SHISA6: variants seen among roughly 807,000 people sequenced by gnomAD.
SHISA6 encodes the protein protein shisa-6.
SHISA6 carries 22 observed loss-of-function variants against 47.9 expected under a neutral mutation model. The ratio of observed to expected loss-of-function variants is 0.46; its 90% CI spans 0.33 to 0.66. The LOEUF (loss-of-function observed/expected upper bound fraction) is 0.66, where lower values mean the gene tolerates loss of function less well. Ranked by LOEUF, SHISA6 falls within the 30% of genes least tolerant of loss-of-function variation. SHISA6 has a pLI of 0.02. For synonymous variants in SHISA6, 388 were observed against 337.8 expected, an observed-to-expected ratio of 1.15 and a Z score of -1.63; for missense variants, 680 against 764.6, an observed-to-expected ratio of 0.89 and a Z score of 1.30.
intron 3 of SHISA6, among the ~76,000 whole-genome samples, chr17:11,386,300 G>T (rs1041788726): frequency 6.6e-6 from 1 of 152,078 alleles, no homozygotes; most frequent in Non-Finnish European, 1.5e-5. Flanking sequence ...ACTTGAACTC[G>T]GGAGGTGGAA....
chr17:11,491,749 T>G (rs1467434681), intron 3 of SHISA6, among the ~76,000 whole-genome samples: 2 of 148,556 alleles, frequency 1.3e-5, no homozygotes, highest in Non-Finnish European at 3.0e-5. Flanking sequence ...TGTTGTGTAC[T>G]GAAAGGGAAG....
At chr17:11,279,679 G>A (rs554936789) in intron 2 of SHISA6, among the ~76,000 whole-genome samples, 7 of 152,168 alleles carry the variant, frequency 4.6e-5, no homozygotes, top group African/African-American at 1.7e-4. Context: ...TGCCTGCAGT[G>A]GTTACAAGAG....
At chr17:11,280,600 G>A (rs183783514) in intron 2 of SHISA6, among the ~76,000 whole-genome samples, 44 of 152,200 alleles carry the variant, frequency 2.9e-4, no homozygotes, top group Non-Finnish European at 1.2e-4. Context: ...AGTGCCAGAG[G>A]TTCAAATGTT....
chr17:11,497,975 A>C (rs952663911), intron 3 of SHISA6, among the ~76,000 whole-genome samples: 6 of 152,122 alleles, frequency 3.9e-5, no homozygotes, highest in Non-Finnish European at 8.8e-5. Flanking sequence ...CTTTCTTTAT[A>C]TATTCATCCC....
At chr17:11,471,705 G>A (rs1019354173) in intron 3 of SHISA6, among the ~76,000 whole-genome samples, 2 of 152,166 alleles carry the variant, frequency 1.3e-5, no homozygotes, top group Non-Finnish European at 2.9e-5. Context: ...ACTAGGGACC[G>A]TGGAGTCTAC....
At chr17:11,285,231 T>C (rs1909253902) in intron 2 of SHISA6, among the ~76,000 whole-genome samples, 1 of 152,196 alleles carries the variant, frequency 6.6e-6, no homozygotes, top group African/African-American at 2.4e-5. Flanking sequence ...TTGTTAGAAG[T>C]CTGAGTTGGG....
At chr17:11,434,058 T>A (rs1005138730) in intron 3 of SHISA6, among the ~76,000 whole-genome samples, 1 of 151,278 alleles carries the variant, frequency 6.6e-6, no homozygotes, top group Non-Finnish European at 1.5e-5. Flanking sequence ...TTTTTCTTTT[T>A]TCTCTCTTTT....
chr17:11,557,636 G>A (rs1420060971), intron 5 of SHISA6, 118 bp from the exon 6 acceptor site: 1 of 1,002,420 alleles, frequency 1.0e-6, no homozygotes, highest in Non-Finnish European at 1.4e-6. Flanking sequence ...GAGTTTGACT[G>A]TATTATCCCT....
At chr17:11,242,693 C>G (rs1262277236) in intron 1 of SHISA6, among the ~76,000 whole-genome samples, 1 of 152,172 alleles carries the variant, frequency 6.6e-6, no homozygotes, top group Non-Finnish European at 1.5e-5. Flanking sequence ...CTTTGAAACC[C>G]TGTAGGCAGA....
chr17:11,557,770 C>G lies in SHISA6; in HGVS notation c.1122C>G (p.Asp374Glu), dbSNP rs774764965. 4 of 1,545,956 alleles carry G rather than the reference C, an allele frequency of 2.6e-6. No individual in the cohort carries two copies. The Admixed American group carries it at 5.9e-5, about 23-fold the overall frequency. ...CCCCTGCAGCCGACAAGGAGGCTGACGAGTATTACATGAGACGGCGGCACC... is the reference window on the plus strand; with the variant it reads ...CCCCTGCAGCCGACAAGGAGGCTGAGGAGTATTACATGAGACGGCGGCACC... Reference protein sequence around the residue: ...SLKRLTDKEADEYYMRRRHLP... With the variant: ...SLKRLTDKEAEEYYMRRRHLP... The change falls in exon 6 of 6, where the codon GAC (aspartate) becomes GAG (glutamate). Residue 374 changes from aspartate to glutamate, a missense_variant. This residue lies in a region of SHISA6 where 559 missense variants were observed against 674.1 expected (regional missense o/e 0.83). Transcript: ENST00000441885.
At chr17:11,289,510 A>G (rs552953148) in intron 2 of SHISA6, 3 of 151,482 alleles carry the variant, frequency 2.0e-5, no homozygotes, top group African/African-American at 7.3e-5. Flanking sequence ...GTTCCAAGAA[A>G]TTTTGAAGGA....
chr17:11,323,093 C>T lies in SHISA6; in HGVS notation c.800-56321C>T, dbSNP rs188582278. ...CCACAGGACCAAATGTTTCACAAGT[C>T]CTTCAGCAAGCAAGTTCACAAAAGA... On this transcript the variant is annotated intron_variant, in intron 2 of 5. Coordinates refer to ENST00000441885, the MANE Select transcript of SHISA6 (RefSeq NM_207386.4). Among the ~76,000 whole-genome samples, 7 of 152,296 alleles carry T rather than the reference C, an allele frequency of 4.6e-5. No homozygotes were observed. In the East Asian group the frequency reaches 1.4e-3, roughly 29 times the overall value.
intron 3 of SHISA6, among the ~76,000 whole-genome samples, chr17:11,511,862 C>A (rs754582256): frequency 6.4e-4 from 98 of 152,358 alleles, no homozygotes; most frequent in Admixed American, 1.4e-3. Flanking sequence ...TGACACATGG[C>A]TGCTAACAGC....
At chr17:11,363,517 C>T (rs16944645) in intron 2 of SHISA6, among the ~76,000 whole-genome samples, 5,895 of 152,234 alleles carry the variant, frequency 0.039, 142 homozygotes, top group East Asian at 0.09. Flanking sequence ...TCAGTTCTGG[C>T]GGTCTCTGGA....
chr17:11,496,957 T>A (rs1042653105), intron 3 of SHISA6, among the ~76,000 whole-genome samples: 3 of 152,206 alleles, frequency 2.0e-5, no homozygotes, highest in Admixed American at 1.3e-4. Context: ...TCACACAGAT[T>A]TTCCCAAGTT....
intron 2 of SHISA6, among the ~76,000 whole-genome samples, chr17:11,278,833 G>A (rs1016251652): frequency 2.0e-5 from 3 of 152,162 alleles, no homozygotes; most frequent in Non-Finnish European, 2.9e-5. Context: ...TACACGTGGC[G>A]TTTCTTTCCC....
At chr17:11,481,362 G>GTATA (rs1481491401) in intron 3 of SHISA6, among the ~76,000 whole-genome samples, 12 of 114,572 alleles carry the variant, frequency 1.0e-4, no homozygotes, top group African/African-American at 3.8e-4. Flanking sequence ...GTGTGTGTGT[G>GTATA]TGTGTATATA....
At chr17:11,452,159 G>A (rs796728475) in intron 3 of SHISA6, among the ~76,000 whole-genome samples, 1 of 152,326 alleles carries the variant, frequency 6.6e-6, no homozygotes, top group African/African-American at 2.4e-5. Flanking sequence ...GGTGGAGATA[G>A]GGCCAGCTTG....
rs999192416 is a variant in SHISA6, at chr17:11,263,537, G to A, written c.799+11G>A. 3.0e-5 allele frequency: 46 copies of A among 1,551,440 alleles called. No homozygotes were observed. The highest frequency in any genetic ancestry group is 1.7e-4 in the Middle Eastern group (1 of 6,012). ...CCAAGCAGACTCCAGGTAAGTAACA[G>A]CTGGGCACCTTGATTCTTTGCTGAG... On this transcript the variant is annotated intron_variant, in intron 2 of 5. Coordinates refer to ENST00000441885, the MANE Select transcript of SHISA6 (RefSeq NM_207386.4).
Sources: gnomAD v4.1 joint callset for allele counts (sites outside exome capture counted in the v4.1 genomes callset) on GRCh38, gnomAD v4.1.1 for gene constraint, gnomAD v4.1.1 regional missense constraint, MANE v1.5 for transcripts, NCBI Gene and HGNC (gene_info 2026-07-23, HGNC 2026-07-21) for gene names.